NLGN1: variants seen among roughly 807,000 people sequenced by gnomAD.
The protein encoded by NLGN1 is neuroligin 1.
A neutral mutation model predicts 65.5 loss-of-function variants in NLGN1; 12 were observed. That is an observed-to-expected ratio of 0.18 (90% CI 0.12 to 0.30). The LOEUF is 0.30. NLGN1 is among the 10% of genes least tolerant of loss of function. The pLI is 1.00. For synonymous variants in NLGN1, 350 were observed against 359.5 expected (o/e 0.97, Z 0.30); for missense variants, 750 against 1,007.1 (o/e 0.74, Z 3.46).
At chr3:173,850,889 C>G (rs1191885261) in intron 4 of NLGN1, among the ~76,000 whole-genome samples, 1 of 151,704 alleles carries the variant, frequency 6.6e-6, no homozygotes, top group Non-Finnish European at 1.5e-5. Flanking sequence ...GACATGATAC[C>G]ACATCTGGCT....
intron 2 of NLGN1, among the ~76,000 whole-genome samples, chr3:173,508,591 T>C (rs1732419371): frequency 6.6e-6 from 1 of 152,016 alleles, no homozygotes; most frequent in Non-Finnish European, 1.5e-5. Context: ...TGGAAGTGGT[T>C]TTTCCTCTAT....
intron 3 of NLGN1, among the ~76,000 whole-genome samples, chr3:173,633,028 T>G (rs1755975065): frequency 6.6e-6 from 1 of 151,990 alleles, no homozygotes; most frequent in Admixed American, 6.6e-5. Flanking sequence ...AAATGTTTGT[T>G]GTGTAAAAAA....
intron 4 of NLGN1, among the ~76,000 whole-genome samples, chr3:173,937,998 C>T (rs1385880257): frequency 6.6e-6 from 1 of 152,048 alleles, no homozygotes; most frequent in Non-Finnish European, 1.5e-5. Context: ...GTACATATAA[C>T]ACTTATAACA....
At position 174,280,497 on chromosome 3, in the gene NLGN1, G is replaced by T. The variant is rs1751356389; in HGVS notation, c.1666G>T (p.Val556Phe). The T allele has an allele frequency of 1.2e-6, 2 of 1,608,140 alleles. No homozygotes were observed. The highest frequency in any genetic ancestry group is 1.7e-5 in the Admixed American group (1 of 59,164). ...CCTTCTTAGTGACCCAAATCAACCA[G>T]TCCCTCAAGACACGAAATTCATTCA... Residue 556 changes from valine (V) to phenylalanine (F), a missense_variant, in exon 7 of 7, where the codon GTC (valine) becomes TTC (phenylalanine). Coordinates refer to ENST00000457714, the Ensembl canonical transcript of NLGN1. This position sits in a 1 kb window ranked among gnomAD's most constrained non-coding sequence, Gnocchi z 4.9.
Position 174,165,514 on chromosome 3 carries a change from A to C in NLGN1, c.647-109801A>C, listed in dbSNP as rs1325954767. 2.6e-5 allele frequency among the ~76,000 whole-genome samples: 4 copies of C among 152,094 alleles called. No individual in the cohort carries two copies. The East Asian group carries it at 7.7e-4, about 29-fold the overall frequency. On this transcript the variant is annotated intron_variant, in intron 4 of 6. Transcript: ENST00000457714. ...GTGAATCACATTTATTGATTTGCAT[A>C]TGTTGAACCAACCTCACATCCCAGG...
chr3:174,109,856 C>G (rs182476101), intron 4 of NLGN1, among the ~76,000 whole-genome samples: 1 of 152,154 alleles, frequency 6.6e-6, no homozygotes, highest in East Asian at 1.9e-4. Context: ...GATACTACAG[C>G]ATTTACATTA....
chr3:174,203,071 T>G (rs906389157), intron 4 of NLGN1, among the ~76,000 whole-genome samples: 1 of 152,168 alleles, frequency 6.6e-6, no homozygotes, highest in Non-Finnish European at 1.5e-5. Flanking sequence ...AAAAGATAAG[T>G]CTATCTAATG....
intron 4 of NLGN1, among the ~76,000 whole-genome samples, chr3:173,958,989 G>T (rs377118388): frequency 1.3e-3 from 200 of 152,332 alleles, no homozygotes; most frequent in African/African-American, 4.6e-3. Flanking sequence ...ATCAAAGCAA[G>T]TGTCAGGAGC....
intron 3 of NLGN1, among the ~76,000 whole-genome samples, chr3:173,697,750 G>A (rs1038752949): frequency 2.0e-5 from 3 of 152,052 alleles, no homozygotes; most frequent in Middle Eastern, 3.4e-3. Flanking sequence ...GGCTGGTCTC[G>A]AACTCCTGAC....
rs1048912707 is a variant in NLGN1 at position 174,151,175 on chromosome 3, C to T, written c.647-124140C>T. Among the ~76,000 whole-genome samples, 5 of 151,664 alleles carry T rather than the reference C, an allele frequency of 3.3e-5. No individual in the cohort carries two copies. The South Asian group carries it at 1.0e-3, about 32-fold the overall frequency. On this transcript the variant is annotated intron_variant, in intron 4 of 6. Transcript: ENST00000457714. ...CACATAGAAAGCCAAAAAAAAAATA[C>T]TCCTTCACTTTGAAACATTGGATTA...
At chr3:174,034,638 A>G (rs1730733904) in intron 4 of NLGN1, among the ~76,000 whole-genome samples, 1 of 152,126 alleles carries the variant, frequency 6.6e-6, no homozygotes, top group African/African-American at 2.4e-5. Flanking sequence ...AGTTTAAAAT[A>G]TATACTGTAA....
chr3:173,699,408 T>G (rs1246764725), intron 3 of NLGN1, among the ~76,000 whole-genome samples: 1 of 152,202 alleles, frequency 6.6e-6, no homozygotes, highest in Non-Finnish European at 1.5e-5. Context: ...CTCTCTTGGT[T>G]TGTTTTGACC....
intron 1 of NLGN1, among the ~76,000 whole-genome samples, chr3:173,432,723 C>A (rs990270642): frequency 2.0e-5 from 3 of 151,862 alleles, no homozygotes; most frequent in African/African-American, 4.8e-5. Flanking sequence ...TTATTGTAAT[C>A]AATTACAGCT....
chr3:173,998,701 C>A (rs1722725816), intron 4 of NLGN1, among the ~76,000 whole-genome samples: 1 of 152,162 alleles, frequency 6.6e-6, no homozygotes, highest in Non-Finnish European at 1.5e-5. Context: ...TCTCATAAGT[C>A]TACTTGCACT....
chr3:174,006,670 A>G (rs1302522306), intron 4 of NLGN1, among the ~76,000 whole-genome samples: 1 of 152,190 alleles, frequency 6.6e-6, no homozygotes, highest in Non-Finnish European at 1.5e-5. Flanking sequence ...CCTAACCCCC[A>G]GTACTTCAGA....
chr3:173,416,130 A>C (rs1170939697), intron 1 of NLGN1, among the ~76,000 whole-genome samples: 2 of 152,248 alleles, frequency 1.3e-5, no homozygotes, highest in East Asian at 3.9e-4. Context: ...CATCACTTAC[A>C]TTATACTTGT....
chr3:174,069,466 AT>A (rs1288645480), intron 4 of NLGN1, among the ~76,000 whole-genome samples: 2 of 152,214 alleles, frequency 1.3e-5, no homozygotes, highest in African/African-American at 4.8e-5. Flanking sequence ...CATAGTGGGA[AT>A]GATAAGGAAA....
At chr3:173,438,518 C>G (rs1372944386) in intron 2 of NLGN1, among the ~76,000 whole-genome samples, 11 of 152,024 alleles carry the variant, frequency 7.2e-5, no homozygotes. Context: ...AAACAGTATG[C>G]AATATAGTGC....
At chr3:173,596,177 TTCTC>T (rs560246036) in intron 2 of NLGN1, among the ~76,000 whole-genome samples, 1 of 152,186 alleles carries the variant, frequency 6.6e-6, no homozygotes, top group Non-Finnish European at 1.5e-5. Context: ...ACATTCTATT[TTCTC>T]TCTCTCTTTT....
Sources: allele counts gnomAD v4.1 joint callset (sites outside exome capture counted in the v4.1 genomes callset), GRCh38; gene constraint gnomAD v4.1.1; non-coding constraint Gnocchi (gnomAD v3.1); transcripts MANE v1.5; gene names NCBI Gene and HGNC (gene_info 2026-07-23, HGNC 2026-07-21).